The following ECHDC3 variants were observed in gnomAD, a reference collection of about 807,000 sequenced individuals.
The protein encoded by ECHDC3 is enoyl-CoA hydratase domain containing 3, also known as enoyl-CoA hydratase domain-containing protein 3, mitochondrial.
In ECHDC3, 20 loss-of-function variants were observed where a neutral mutation model predicts 17.9. That is an observed-to-expected ratio of 1.12 (90% CI 0.79 to 1.63). ECHDC3 has a LOEUF of 1.63. Among genes scored for constraint, ECHDC3 ranks in the 40% most tolerant of loss-of-function variants. The pLI is 0.00. For synonymous variants in ECHDC3, 177 were observed against 149.7 expected, an observed-to-expected ratio of 1.18 and a Z score of -1.33; for missense variants, 407 against 357.7, an observed-to-expected ratio of 1.14 and a Z score of -1.11.
At position 11,763,253 on chromosome 10, in the gene ECHDC3, G is replaced by A; in HGVS notation, c.621G>A (p.Glu207=). ...CCTTGGAGATGCTCTTTACTGGTGA[G>A]CCCATTTCTGCCCAGGAGGCCCTGC... ...KVALEMLFTG[E]PISAQEALLH... is the part of the protein sequence containing the mutation. Residue 207 remains glutamate, a synonymous_variant, in exon 5 of 5, where the codon GAG becomes GAA. Transcript: ENST00000379215. This position sits in a 1 kb window ranked among gnomAD's most constrained non-coding sequence, Gnocchi z 4.9. The A allele has an allele frequency of 1.3e-6, 1 of 779,728 alleles. No homozygotes were observed. The highest frequency in any genetic ancestry group is 1.3e-5 in the South Asian group (1 of 74,558). The allele number at this position is 779,728 out of a possible 1,614,324, so 48.3% of individuals were successfully genotyped here. A position where few individuals can be genotyped will look rare whatever the true frequency, so the allele number is the denominator to read the frequency against.
At chr10:11,746,328 CAAAAAAAAAAAAA>C (rs67772247) in intron 1 of ECHDC3, among the ~76,000 whole-genome samples, 4 of 93,396 alleles carry the variant, frequency 4.3e-5, no homozygotes, top group Admixed American at 1.1e-4. Flanking sequence ...AACTCCATCT[CAAAAAAAAAAAAA>C]AAAAAAAAAA....
chr10:11,742,680 C>T lies in ECHDC3; in HGVS notation c.104C>T (p.Pro35Leu), dbSNP rs1832708561. Residue 35 changes from proline (P) to leucine (L), a missense_variant, in exon 1 of 5, where the codon CCG (proline) becomes CTG (leucine). By Grantham distance (98) the Pro-to-Leu change is moderately conservative. Transcript: ENST00000379215. ...QLPARFCSRD[P>L]AGAGRRESEP... ...CCCGCCCGCTTCTGCAGCCGGGACCCGGCCGGGGCGGGGCGGCGGGAGTCG... is the reference window on the plus strand; with the variant it reads ...CCCGCCCGCTTCTGCAGCCGGGACCTGGCCGGGGCGGGGCGGCGGGAGTCG... 1 of 1,240,096 alleles carries T rather than the reference C, an allele frequency of 8.1e-7. No individual in the cohort carries two copies. Among genetic ancestry groups the T allele is most frequent in the East Asian group, 3.2e-5 (1 of 30,792 alleles). The allele number at this position is 1,240,096 out of a possible 1,614,324, so 76.8% of individuals were successfully genotyped here.
At chr10:11,742,886 C>A in intron 1 of ECHDC3, 140 bp downstream of exon 1, 1 of 1,010,470 alleles carries the variant, frequency 9.9e-7, no homozygotes, top group Non-Finnish European at 1.3e-6. Flanking sequence ...CGGACCCGGG[C>A]CTGGCAGCGA....
intron 3 of ECHDC3, among the ~76,000 whole-genome samples, chr10:11,751,333 C>T (rs1248276810): frequency 6.6e-6 from 1 of 152,156 alleles, no homozygotes; most frequent in Non-Finnish European, 1.5e-5. Flanking sequence ...GCCTCTGACT[C>T]CCTGAAAAAG....
At chr10:11,749,442 C>T in intron 2 of ECHDC3, 53 bp from the exon 3 acceptor site, 1 of 1,588,744 alleles carries the variant, frequency 6.3e-7, no homozygotes, top group Non-Finnish European at 8.6e-7. Flanking sequence ...AACTGCCCAA[C>T]TCTGGGTGTT....
At chr10:11,746,280 A>T (rs1832757998) in intron 1 of ECHDC3, among the ~76,000 whole-genome samples, 2 of 147,226 alleles carry the variant, frequency 1.4e-5, no homozygotes, top group South Asian at 4.3e-4. Context: ...GTGAGCTGAG[A>T]TCATGCCAAT....
intron 4 of ECHDC3, chr10:11,755,858 A>G (rs1832881961): frequency 2.1e-6 from 1 of 473,418 alleles, no homozygotes; most frequent in Non-Finnish European, 3.8e-6. Flanking sequence ...CATTTCCATC[A>G]TGCGTACCCT....
Position 11,763,482 on chromosome 10 carries a change from C to A in ECHDC3, c.850C>A (p.Gln284Lys). The A allele has an allele frequency of 8.7e-7, 1 of 1,155,604 alleles. No individual in the cohort carries two copies. The allele number at this position is 1,155,604 out of a possible 1,614,324, so 71.6% of individuals were successfully genotyped here. A position where few individuals can be genotyped will look rare whatever the true frequency, so the allele number is the denominator to read the frequency against. ...MVDNLALRDG[Q>K]EGITAFLQKR... ...GGACAACCTGGCCCTGCGGGACGGG[C>A]AGGAGGGCATCACGGCCTTCCTCCA... is the stretch of plus-strand genomic sequence containing the variant. Residue 284 changes from glutamine (Q) to lysine (K), a missense_variant, in exon 5 of 5, where the codon CAG (glutamine) becomes AAG (lysine). By Grantham distance (53) the Gln-to-Lys change is moderately conservative. Transcript: ENST00000379215. The surrounding 1 kb of genome is among the most constrained non-coding windows in gnomAD (Gnocchi z 4.9).
At chr10:11,742,770 C>T (rs1374474913) in intron 1 of ECHDC3, 24 bp downstream of exon 1, 4 of 1,225,172 alleles carry the variant, frequency 3.3e-6, no homozygotes, top group Non-Finnish European at 4.1e-6. Flanking sequence ...CGCGCGGGCT[C>T]CTCGCGTTGG....
intron 1 of ECHDC3, chr10:11,747,136 G>A (rs1466987718): frequency 6.4e-6 from 3 of 469,668 alleles, no homozygotes; most frequent in South Asian, 2.6e-5. Context: ...AGGGAAGAGG[G>A]AGGAAACCCA....
intron 1 of ECHDC3, among the ~76,000 whole-genome samples, chr10:11,745,324 A>G (rs574952622): frequency 1.3e-3 from 204 of 152,278 alleles, no homozygotes; most frequent in African/African-American, 4.7e-3. Flanking sequence ...AGACCTTAGC[A>G]CTAAGATTAA....
At chr10:11,758,065 C>CA (rs1335865281) in intron 4 of ECHDC3, among the ~76,000 whole-genome samples, 1 of 152,112 alleles carries the variant, frequency 6.6e-6, no homozygotes, top group Non-Finnish European at 1.5e-5. Context: ...GGGCCTGTCT[C>CA]ACACTGGATA....
At chr10:11,758,725 G>A (rs564927805) in intron 4 of ECHDC3, among the ~76,000 whole-genome samples, 1 of 152,354 alleles carries the variant, frequency 6.6e-6, no homozygotes, top group East Asian at 1.9e-4. Context: ...TCACTCCAGT[G>A]TGCTTCCCTC....
Position 11,763,569 on chromosome 10 carries a change from C to T in ECHDC3, c.*25C>T, listed in dbSNP as rs752431014. The T allele has an allele frequency of 9.5e-6, 14 of 1,471,500 alleles. 1 individual carries two copies. The highest frequency in any genetic ancestry group is 1.4e-5 in the African/African-American group (1 of 71,666). The allele number at this position is 1,471,500 out of a possible 1,614,324, so 91.2% of individuals were successfully genotyped here. ...AGTGGAGGCAGAGGAGTGAGGCCCA[C>T]GGGCAGCGCCCAGGAGCCCACCTTC... On this transcript the variant is annotated 3_prime_UTR_variant, in exon 5 of 5. Transcript: ENST00000379215. The surrounding 1 kb of genome is among the most constrained non-coding windows in gnomAD (Gnocchi z 4.9).
At position 11,751,570 on chromosome 10, in the gene ECHDC3, A is replaced by G. The variant is rs189535110; in HGVS notation, c.390+1978A>G. ...ATGAGAAAATTTGATTTTAGAAAGG[A>G]GGATAGAGGTATCTGAATTAGCTAA... On this transcript the variant is annotated intron_variant, in intron 3 of 4. Transcript: ENST00000379215. Among the ~76,000 whole-genome samples, 257 of 152,362 alleles carry G rather than the reference A, an allele frequency of 1.7e-3. 1 individual carries two copies. Among genetic ancestry groups the G allele is most frequent in the African/African-American group, 5.8e-3 (243 of 41,590 alleles).
chr10:11,754,120 C>T (rs1402138063), intron 3 of ECHDC3, among the ~76,000 whole-genome samples: 1 of 152,062 alleles, frequency 6.6e-6, no homozygotes, highest in Non-Finnish European at 1.5e-5. Flanking sequence ...AGGAGACCTC[C>T]CCCAAAAAAA....
At chr10:11,759,052 C>A (rs1832916203) in intron 4 of ECHDC3, among the ~76,000 whole-genome samples, 1 of 152,164 alleles carries the variant, frequency 6.6e-6, no homozygotes, top group Admixed American at 6.5e-5. Flanking sequence ...AGATCAGTGA[C>A]TTTATGAAAA....
At chr10:11,759,477 C>T (rs549817527) in intron 4 of ECHDC3, among the ~76,000 whole-genome samples, 9 of 152,250 alleles carry the variant, frequency 5.9e-5, no homozygotes, top group African/African-American at 1.9e-4. Flanking sequence ...AGGTCCTCAC[C>T]AGTCGCTGAG....
chr10:11,743,605 C>A (rs1025103102), intron 1 of ECHDC3, among the ~76,000 whole-genome samples: 1 of 152,244 alleles, frequency 6.6e-6, no homozygotes, highest in Non-Finnish European at 1.5e-5. Flanking sequence ...CTACAGACAG[C>A]TGCTCTTGGC....
Sources: gnomAD v4.1 joint callset for allele counts (sites outside exome capture counted in the v4.1 genomes callset) on GRCh38, gnomAD v4.1.1 for gene constraint, Gnocchi (gnomAD v3.1) non-coding constraint, MANE v1.5 for transcripts, NCBI Gene and HGNC (gene_info 2026-07-23, HGNC 2026-07-21) for gene names.